The following GRAMD2B variants were observed in gnomAD, a reference collection of about 807,000 sequenced individuals.
GRAMD2B encodes the protein GRAM domain-containing protein 2B.
A neutral mutation model predicts 59.2 loss-of-function variants in GRAMD2B; 41 were observed. The ratio of observed to expected loss-of-function variants is 0.69; its 90% CI spans 0.54 to 0.90. GRAMD2B has a LOEUF of 0.90. Ranked by LOEUF, GRAMD2B falls within the 40% of genes least tolerant of loss-of-function variation. The pLI is 0.00. For synonymous variants in GRAMD2B, 161 were observed against 182.7 expected (o/e 0.88, Z 0.96); for missense variants, 424 against 500.5 (o/e 0.85, Z 1.46).
chr5:126,483,564 G>A lies in GRAMD2B; in HGVS notation c.837G>A (p.Glu279=), dbSNP rs1270726276. ...SSSGSQTPES[E]NSRDFHATES... The stretch of plus-strand genomic sequence containing the variant: ...CTGGTTCTCAAACTCCTGAATCTGA[G>A]AACTCTCGAGGTTTGGGAAATTGTT... Residue 279 remains glutamate (E), a synonymous_variant, in exon 9 of 14, where the codon GAG becomes GAA. Transcript: ENST00000285689. The A allele has an allele frequency of 6.3e-7, 1 of 1,596,812 alleles. No homozygotes were observed. The highest frequency in any genetic ancestry group is 8.6e-7 in the Non-Finnish European group (1 of 1,165,792).
chr5:126,390,848 T>A (rs1029028863), intron 1 of GRAMD2B, among the ~76,000 whole-genome samples: 3 of 152,228 alleles, frequency 2.0e-5, no homozygotes, highest in Admixed American at 2.0e-4. Context: ...AAATAGGAAC[T>A]ATTATTACTC....
chr5:126,447,888 C>G (rs1764629004), intron 1 of GRAMD2B, among the ~76,000 whole-genome samples: 4 of 151,278 alleles, frequency 2.6e-5, no homozygotes, highest in Admixed American at 2.6e-4. Context: ...AAAATAGTCT[C>G]ACTCTGTTGC....
chr5:126,456,178 C>T (rs763531790), intron 1 of GRAMD2B, among the ~76,000 whole-genome samples: 3 of 151,992 alleles, frequency 2.0e-5, no homozygotes, highest in African/African-American at 7.3e-5. Flanking sequence ...TCAATCCCAC[C>T]TCTCCCATCC....
intron 1 of GRAMD2B, among the ~76,000 whole-genome samples, chr5:126,406,159 A>C (rs1181761510): frequency 1.3e-5 from 2 of 151,910 alleles, no homozygotes; most frequent in African/African-American, 2.4e-5. Context: ...CCTTCATTCT[A>C]TTATTTTACT....
intron 1 of GRAMD2B, among the ~76,000 whole-genome samples, chr5:126,407,238 A>C (rs1758339519): frequency 6.6e-6 from 1 of 151,962 alleles, no homozygotes; most frequent in South Asian, 2.1e-4. Flanking sequence ...CTAATATGAT[A>C]TTTTAGTTAG....
At chr5:126,426,354 A>C (rs1020565112) in intron 1 of GRAMD2B, among the ~76,000 whole-genome samples, 2 of 151,980 alleles carry the variant, frequency 1.3e-5, no homozygotes, top group African/African-American at 2.4e-5. Flanking sequence ...CTTCATGTGA[A>C]GCCTTCCTTC....
intron 1 of GRAMD2B, among the ~76,000 whole-genome samples, chr5:126,380,805 G>A (rs1755596017): frequency 6.6e-6 from 1 of 152,182 alleles, no homozygotes; most frequent in Non-Finnish European, 1.5e-5. Context: ...TTTTGGATGA[G>A]TTTTTAGGGT....
intron 3 of GRAMD2B, among the ~76,000 whole-genome samples, chr5:126,470,968 C>A (rs1769453686): frequency 1.3e-5 from 2 of 152,212 alleles, no homozygotes; most frequent in Admixed American, 6.5e-5. Context: ...AAGCGTGCAA[C>A]CACTGCTCAC....
At chr5:126,446,470 A>AC (rs369692347) in intron 1 of GRAMD2B, among the ~76,000 whole-genome samples, 13 of 152,012 alleles carry the variant, frequency 8.6e-5, no homozygotes, top group African/African-American at 3.1e-4. Flanking sequence ...TTTCATATTA[A>AC]CCCCCCAAAA....
chr5:126,474,378 A>G (rs1157966775), intron 5 of GRAMD2B, among the ~76,000 whole-genome samples: 1 of 152,262 alleles, frequency 6.6e-6, no homozygotes, highest in Non-Finnish European at 1.5e-5. Context: ...TGTTGGAGCT[A>G]GAGGCTAACA....
intron 1 of GRAMD2B, among the ~76,000 whole-genome samples, chr5:126,445,799 ATC>A (rs1490651848): frequency 2.6e-5 from 4 of 152,098 alleles, no homozygotes; most frequent in Non-Finnish European, 5.9e-5. Flanking sequence ...GTCATTGGGA[ATC>A]TCTCTTCTTC....
intron 1 of GRAMD2B, among the ~76,000 whole-genome samples, chr5:126,427,867 C>T (rs548854644): frequency 6.6e-6 from 1 of 152,214 alleles, no homozygotes; most frequent in South Asian, 2.1e-4. Flanking sequence ...TTTGAAAGCT[C>T]CCATTTAGCA....
chr5:126,394,567 C>T (rs868040940), intron 1 of GRAMD2B, among the ~76,000 whole-genome samples: 9 of 152,238 alleles, frequency 5.9e-5, no homozygotes, highest in Middle Eastern at 6.8e-3. Context: ...ATTCTACATT[C>T]CATTTCAATA....
At chr5:126,484,614 T>C in intron 10 of GRAMD2B, 90 bp downstream of exon 10, 1 of 1,340,384 alleles carries the variant, frequency 7.5e-7, no homozygotes, top group Non-Finnish European at 1.0e-6. Context: ...AGCATCTTGC[T>C]CTATCACCCA....
intron 1 of GRAMD2B, among the ~76,000 whole-genome samples, chr5:126,390,325 G>C (rs543013177): frequency 2.6e-5 from 4 of 152,314 alleles, no homozygotes; most frequent in Non-Finnish European, 5.9e-5. Flanking sequence ...TGTAAAGCAT[G>C]GTAAATAGTT....
At chr5:126,408,553 G>T (rs981293950) in intron 1 of GRAMD2B, among the ~76,000 whole-genome samples, 1 of 151,580 alleles carries the variant, frequency 6.6e-6, no homozygotes, top group African/African-American at 2.4e-5. Context: ...ACAAGCCAGG[G>T]TTGCAGTTTA....
chr5:126,479,438 T>C (rs563193528), intron 6 of GRAMD2B, among the ~76,000 whole-genome samples: 22 of 152,208 alleles, frequency 1.4e-4, no homozygotes, highest in Non-Finnish European at 2.9e-4. Context: ...AATATGTTAA[T>C]ATCTATTTGG....
At chr5:126,470,393 A>G (rs1769320758) in intron 3 of GRAMD2B, among the ~76,000 whole-genome samples, 2 of 152,198 alleles carry the variant, frequency 1.3e-5, no homozygotes, top group African/African-American at 2.4e-5. Context: ...ACCAAAAACC[A>G]TCGGCACACC....
At position 126,405,170 on chromosome 5, in the gene GRAMD2B, A is replaced by C. The variant is rs113597623; in HGVS notation, c.125+33603A>C. ...GAGGTAGGAAGAGGAGTAGAGGAAG[A>C]GTCTGGGAAGAACTGGTAGTTGAGT... is the stretch of plus-strand genomic sequence containing the variant. On this transcript the variant is annotated intron_variant, in intron 1 of 8. Transcript: ENST00000506445. Among the ~76,000 whole-genome samples the C allele has an allele frequency of 1.0e-2, 1,519 of 152,008 alleles. 40 individuals carry two copies. The highest frequency in any genetic ancestry group is 0.035 in the African/African-American group (1,464 of 41,510).
Sources: allele counts gnomAD v4.1 joint callset (sites outside exome capture counted in the v4.1 genomes callset), GRCh38; gene constraint gnomAD v4.1.1; transcripts MANE v1.5; gene names NCBI Gene and HGNC (gene_info 2026-07-23, HGNC 2026-07-21).